BRPF1: variants seen among roughly 807,000 people sequenced by gnomAD.
BRPF1 encodes peregrin.
Under a neutral mutation model 115.0 loss-of-function variants are expected in BRPF1, and 15 were observed. That is an observed-to-expected ratio of 0.13 (90% CI 0.09 to 0.20). BRPF1 has a LOEUF of 0.20. Among genes scored for constraint, BRPF1 ranks in the 10% least tolerant of loss-of-function variants. The probability of loss-of-function intolerance (pLI) is 1.00; values close to 1 mark genes in which losing one functional copy is unlikely to be tolerated. For missense variants in BRPF1, 1,118 were observed against 1,638.3 expected, an observed-to-expected ratio of 0.68 and a Z score of 5.48; for synonymous variants, 647 against 619.8, an observed-to-expected ratio of 1.04 and a Z score of -0.65.
chr3:9,747,180 G>A lies in BRPF1; in HGVS notation c.3494G>A (p.Arg1165Lys). ...TTATCCTATAGGCAGTGGCTGCCCA[G>A]GACCAAGCTGGTTCCTCTGGGTGTG... ...DNKRTWQWLP[R>K]TKLVPLGVNQ... The change falls in exon 14 of 14, where the codon AGG becomes AAG. Residue 1165 changes from arginine to lysine, a missense_variant. Around this residue, in one of 10 missense-constraint regions of BRPF1, gnomAD observed 76 missense variants for 166.1 expected, o/e 0.46. Coordinates refer to ENST00000383829, the MANE Select transcript of BRPF1 (RefSeq NM_001003694.2). The surrounding 1 kb of genome is among the most constrained non-coding windows in gnomAD (Gnocchi z 5.6). The A allele has an allele frequency of 6.2e-7, 1 of 1,614,138 alleles. No homozygotes were observed. Among genetic ancestry groups the A allele is most frequent in the Non-Finnish European group, 8.5e-7 (1 of 1,180,032 alleles).
intron 13 of BRPF1, among the ~76,000 whole-genome samples, chr3:9,746,917 T>C (rs2077136523): frequency 6.6e-6 from 1 of 152,196 alleles, no homozygotes; most frequent in South Asian, 2.1e-4. Flanking sequence ...TAGCTATTTC[T>C]GGTGAGGTCA....
In BRPF1 at chr3:9,739,504, G is replaced by C. The variant is rs762169569; in HGVS notation, c.1105G>C (p.Glu369Gln). 1 of 1,613,786 alleles carries C rather than the reference G, an allele frequency of 6.2e-7. No homozygotes were observed. Among genetic ancestry groups the C allele is most frequent in the African/African-American group, 1.3e-5 (1 of 75,054 alleles). ...CTGCTTCGCCAACACGGTCTTCCTAGAGCCTATTGACAGCATTGAGCACAT... is the reference window on the plus strand; with the variant it reads ...CTGCTTCGCCAACACGGTCTTCCTACAGCCTATTGACAGCATTGAGCACAT... ...EVCFANTVFL[E>Q]PIDSIEHIPP... The change falls in exon 3 of 14, where the codon GAG becomes CAG. Residue 369 changes from glutamate (E) to glutamine (Q), a missense_variant. Coordinates refer to ENST00000383829, the MANE Select transcript of BRPF1 (RefSeq NM_001003694.2).
rs776412601 is a variant in BRPF1 at position 9,739,013 on chromosome 3, C to T, written c.614C>T (p.Ser205Phe). The T allele has an allele frequency of 6.4e-7, 1 of 1,574,516 alleles. No individual in the cohort carries two copies. The change falls in exon 3 of 14, where the codon TCT (serine) becomes TTT (phenylalanine). Residue 205 changes from serine (S) to phenylalanine (F), a missense_variant. Ser to Phe is a radical substitution (Grantham distance 155). Transcript: ENST00000383829. ...PTSYYRYIEKSAEELDEEVEY... is the reference protein window; with the variant it reads ...PTSYYRYIEKFAEELDEEVEY... ...TTGTACCGTAGGTACATCGAGAAGTCTGCAGAGGAGCTGGACGAGGAAGTA... is the reference window on the plus strand; with the variant it reads ...TTGTACCGTAGGTACATCGAGAAGTTTGCAGAGGAGCTGGACGAGGAAGTA...
At chr3:9,742,522 C>T (rs2077048407) in intron 6 of BRPF1, 2 of 985,326 alleles carry the variant, frequency 2.0e-6, no homozygotes, top group Non-Finnish European at 2.4e-6. Flanking sequence ...TCCTGACTGG[C>T]AGACTCTTCT....
At chr3:9,737,564 A>G (rs978265237) in intron 2 of BRPF1, among the ~76,000 whole-genome samples, 3 of 152,192 alleles carry the variant, frequency 2.0e-5, no homozygotes, top group African/African-American at 7.2e-5. Context: ...GTGCTGGCCC[A>G]CTCTAGCAGC....
In BRPF1 at chr3:9,743,021, C is replaced by T. The variant is rs373441695; in HGVS notation, c.2079C>T (p.Tyr693=). 5.6e-6 allele frequency: 9 copies of T among 1,614,220 alleles called. No individual in the cohort carries two copies. Among genetic ancestry groups the T allele is most frequent in the African/African-American group, 2.7e-5 (2 of 75,052 alleles). The change falls in exon 7 of 14, where the codon TAC becomes TAT. Residue 693 remains tyrosine, a synonymous_variant. Transcript: ENST00000383829. The surrounding 1 kb of genome is among the most constrained non-coding windows in gnomAD (Gnocchi z 6.1). ...AGCAGAACTTGGAGGCTTACCGCTA[C>T]CTGAATTTTGATGATTTTGAGGAGG... The part of the protein sequence containing the change: ...TMKQNLEAYR[Y]LNFDDFEEDF...
At position 9,734,465 on chromosome 3, in the gene BRPF1, C is replaced by T. The variant is rs1387023578; in HGVS notation, c.325C>T (p.Arg109Cys). 5.6e-6 allele frequency: 9 copies of T among 1,614,122 alleles called. No homozygotes were observed. The highest frequency in any genetic ancestry group is 6.8e-6 in the Non-Finnish European group (8 of 1,180,030). The change falls in exon 2 of 14, where the codon CGC (arginine) becomes TGC (cysteine). Residue 109 changes from arginine to cysteine, a missense_variant. By Grantham distance (180) the Arg-to-Cys change is radical. This residue lies in a region of BRPF1 where 280 missense variants were observed against 382.8 expected (regional missense o/e 0.73). Coordinates refer to ENST00000383829, the MANE Select transcript of BRPF1 (RefSeq NM_001003694.2). This position sits in a 1 kb window ranked among gnomAD's most constrained non-coding sequence, Gnocchi z 5.7. ...GGTGGACTTGCATGGCCGCGTCCAC[C>T]GCATCAGCATCTTTGACAACCTGGA... is the stretch of plus-strand genomic sequence containing the variant. The part of the protein sequence containing the change: ...VEVDLHGRVH[R>C]ISIFDNLDVV...
intron 8 of BRPF1, 135 bp downstream of exon 8, chr3:9,744,036 C>A: frequency 7.7e-7 from 1 of 1,299,048 alleles, no homozygotes; most frequent in Non-Finnish European, 1.1e-6. Flanking sequence ...ATTCCCCAAT[C>A]AGGGGCCTCT....
Position 9,739,005 on chromosome 3 carries a change from C to A in BRPF1, c.606C>A (p.Ile202=). ...PPRPTSYYRY[I]EKSAEELDEE... is the part of the protein sequence containing the mutation. Reference sequence around the variant, plus strand: ...TTCCCTGTTTGTACCGTAGGTACATCGAGAAGTCTGCAGAGGAGCTGGACG... The same window carrying A: ...TTCCCTGTTTGTACCGTAGGTACATAGAGAAGTCTGCAGAGGAGCTGGACG... Residue 202 remains isoleucine, a synonymous_variant, in exon 3 of 14, where the codon ATC becomes ATA. Coordinates refer to ENST00000383829, the MANE Select transcript of BRPF1 (RefSeq NM_001003694.2). 1 of 1,562,448 alleles carries A rather than the reference C, an allele frequency of 6.4e-7. No individual in the cohort carries two copies. Among genetic ancestry groups the A allele is most frequent in the Non-Finnish European group, 8.7e-7 (1 of 1,152,168 alleles).
intron 12 of BRPF1, 101 bp from the exon 13 acceptor site, chr3:9,746,199 C>A: frequency 7.2e-7 from 1 of 1,387,444 alleles, no homozygotes; most frequent in Non-Finnish European, 9.7e-7. Context: ...AGCATGATAC[C>A]CTCTCTGTCC....
chr3:9,746,122 T>G (rs1157548581), intron 12 of BRPF1, among the ~76,000 whole-genome samples, 178 bp from the exon 13 acceptor site: 4 of 152,168 alleles, frequency 2.6e-5, no homozygotes, highest in Non-Finnish European at 4.4e-5. Context: ...TTTGCTTCTC[T>G]TTGCTCCTTG....
chr3:9,734,837 A>G lies in BRPF1; in HGVS notation c.599+98A>G. 1.4e-6 allele frequency: 2 copies of G among 1,453,854 alleles called. No homozygotes were observed. The highest frequency in any genetic ancestry group is 1.9e-6 in the Non-Finnish European group (2 of 1,067,288). 90.1% of individuals were successfully genotyped at this position (1,453,854 alleles called of 1,614,324 possible). ...GCACAGATAGAAGAGTGACAGGAAT[A>G]AAGAATAGTGAAAGAACACTGATTT... On this transcript the variant is annotated intron_variant, in intron 2 of 13. Coordinates refer to ENST00000383829, the MANE Select transcript of BRPF1 (RefSeq NM_001003694.2). The surrounding 1 kb of genome is among the most constrained non-coding windows in gnomAD (Gnocchi z 5.7).
Position 9,744,446 on chromosome 3 carries a change from GC to G in BRPF1, c.2863del (p.Arg955GlyfsTer33). ...SSLRQRKRGR[S>X]PRPSSSSDSD... ...CTGCGTCAGCGCAAGCGGGGTAGGA[GC>G]CCCCGGCCCAGTTCGAGCTCAGACA... On this transcript the variant is annotated frameshift_variant, in exon 9 of 14. Coordinates refer to ENST00000383829, the MANE Select transcript of BRPF1 (RefSeq NM_001003694.2). LOFTEE classifies it high-confidence loss of function. 2 of 1,596,242 alleles carry G rather than the reference GC, an allele frequency of 1.3e-6. No homozygotes were observed. The highest frequency in any genetic ancestry group is 1.7e-6 in the Non-Finnish European group (2 of 1,171,880).
chr3:9,734,406 T>G lies in BRPF1; in HGVS notation c.266T>G (p.Val89Gly), dbSNP rs377441071. Residue 89 changes from valine (V) to glycine (G), a missense_variant, in exon 2 of 14, where the codon GTG becomes GGG. By Grantham distance (109) the Val-to-Gly change is moderately radical (BLOSUM62 -3). Around this residue, in one of 10 missense-constraint regions of BRPF1, gnomAD observed 280 missense variants for 382.8 expected, o/e 0.73. Coordinates refer to ENST00000383829, the MANE Select transcript of BRPF1 (RefSeq NM_001003694.2). This position sits in a 1 kb window ranked among gnomAD's most constrained non-coding sequence, Gnocchi z 5.7. ...SEVSQSPGRE[V>G]MSYAQAQRMV... ...GTCTCACAGTCACCAGGCCGTGAGG[T>G]GATGAGCTATGCACAGGCCCAGCGC... is the stretch of plus-strand genomic sequence containing the variant. The G allele has an allele frequency of 2.5e-6, 4 of 1,613,784 alleles. No homozygotes were observed. The highest frequency in any genetic ancestry group is 3.4e-6 in the Non-Finnish European group (4 of 1,180,004).
intron 2 of BRPF1, among the ~76,000 whole-genome samples, chr3:9,736,004 A>ATTTTT (rs34061910): frequency 5.4e-4 from 48 of 89,266 alleles, no homozygotes; most frequent in Non-Finnish European, 6.1e-4. Flanking sequence ...TTAAACCTCC[A>ATTTTT]TTTTTTTTTT....
In BRPF1 at chr3:9,734,626, T is replaced by TCAC; in HGVS notation, c.496_498dup (p.His166dup). 1.2e-6 allele frequency: 2 copies of TCAC among 1,613,964 alleles called. No homozygotes were observed. The highest frequency in any genetic ancestry group is 1.7e-5 in the Admixed American group (1 of 60,006). On this transcript the variant is annotated inframe_insertion, in exon 2 of 14. Transcript: ENST00000383829. This position sits in a 1 kb window ranked among gnomAD's most constrained non-coding sequence, Gnocchi z 5.7. The stretch of plus-strand genomic sequence containing the variant: ...AGGAGAAGCGCAAGGACTCCAACCA[T>TCAC]CACCACCACCACAATGTTTCTGCGA...
At chr3:9,735,318 T>TATCTGAAA (rs1355332907) in intron 2 of BRPF1, among the ~76,000 whole-genome samples, 1 of 152,142 alleles carries the variant, frequency 6.6e-6, no homozygotes, top group Non-Finnish European at 1.5e-5. Context: ...TGGCCAGACT[T>TATCTGAAA]ATCTGAAATC....
intron 2 of BRPF1, among the ~76,000 whole-genome samples, chr3:9,736,433 A>G (rs2076943008): frequency 6.6e-6 from 1 of 151,576 alleles, no homozygotes; most frequent in Non-Finnish European, 1.5e-5. Context: ...TTTCAGTCCA[A>G]CTCCACTTCC....
In BRPF1 at chr3:9,745,546, G is replaced by A. The variant is rs765765364; in HGVS notation, c.3069-27G>A. The A allele has an allele frequency of 1.2e-6, 2 of 1,611,354 alleles. No homozygotes were observed. The highest frequency in any genetic ancestry group is 1.1e-5 in the South Asian group (1 of 91,030). On this transcript the variant is annotated intron_variant, in intron 10 of 13. Transcript: ENST00000383829. The surrounding 1 kb of genome is among the most constrained non-coding windows in gnomAD (Gnocchi z 5.1). ...GTTCCCCATTCTTCCCCTCCTTTGA[G>A]CTGAGCTCCCATTGTCTTGTCCACA...
Sources: allele counts gnomAD v4.1 joint callset (sites outside exome capture counted in the v4.1 genomes callset), GRCh38; gene constraint gnomAD v4.1.1; regional missense constraint gnomAD v4.1.1; non-coding constraint Gnocchi (gnomAD v3.1); transcripts MANE v1.5; gene names NCBI Gene and HGNC (gene_info 2026-07-23, HGNC 2026-07-21).